The following PPFIA4 variants were observed in gnomAD, a reference collection of about 807,000 sequenced individuals.
PPFIA4 encodes the protein liprin-alpha-4.
A neutral mutation model predicts 145.7 loss-of-function variants in PPFIA4; 98 were observed. The observed-to-expected ratio is 0.67, with a 90% confidence interval of 0.57 to 0.80. PPFIA4 has a LOEUF of 0.80. Among genes scored for constraint, PPFIA4 ranks in the 30% least tolerant of loss-of-function variants. The pLI is 0.00. For missense variants in PPFIA4, 1,457 were observed against 1,632.7 expected, an observed-to-expected ratio of 0.89 and a Z score of 1.85; for synonymous variants, 628 against 649.6, an observed-to-expected ratio of 0.97 and a Z score of 0.51.
At chr1:203,029,080 C>T (rs1658638176) in intron 1 of PPFIA4, among the ~76,000 whole-genome samples, 1 of 152,100 alleles carries the variant, frequency 6.6e-6, no homozygotes, top group Non-Finnish European at 1.5e-5. Flanking sequence ...GTGGGGGAAA[C>T]AGCAGTGGGG....
chr1:203,077,915 A>ATCCATC lies in PPFIA4; in HGVS notation c.*1525_*1526insTCCATC, dbSNP rs1234778898. On this transcript the variant is annotated 3_prime_UTR_variant, in exon 30 of 30. Coordinates refer to ENST00000295706, the MANE Select transcript of PPFIA4 (RefSeq NM_001304331.2). The stretch of plus-strand genomic sequence containing the variant: ...ATAGGGGCCAGTGCAGTGCCATCCT[A>ATCCATC]CAGGTGGCTGGAGCAGCTGCTTTGC... The ATCCATC allele has an allele frequency of 6.6e-6, 1 of 152,272 alleles. No homozygotes were observed. Among genetic ancestry groups the ATCCATC allele is most frequent in the Non-Finnish European group, 1.5e-5 (1 of 68,078 alleles). The allele number at this position is 152,272 out of a possible 1,614,324, so 9.4% of individuals were successfully genotyped here.
At chr1:203,049,130 A>G (rs1660312105) in intron 12 of PPFIA4, 150 bp downstream of exon 12, 1 of 818,800 alleles carries the variant, frequency 1.2e-6, no homozygotes, top group Non-Finnish European at 1.9e-6. Context: ...ATTTCTCACT[A>G]GAGCCCATCA....
At chr1:203,033,109 C>A (rs1658967250) in intron 1 of PPFIA4, among the ~76,000 whole-genome samples, 1 of 152,208 alleles carries the variant, frequency 6.6e-6, no homozygotes, top group Admixed American at 6.5e-5. Flanking sequence ...GCTTGGGCGG[C>A]ATTTTATACT....
At chr1:203,037,702 GCTGACTGAC>G (rs1659391943) in intron 1 of PPFIA4, among the ~76,000 whole-genome samples, 1 of 152,244 alleles carries the variant, frequency 6.6e-6, no homozygotes, top group Non-Finnish European at 1.5e-5. Flanking sequence ...CTATGCACAT[GCTGACTGAC>G]CTCACTGGTG....
intron 1 of PPFIA4, among the ~76,000 whole-genome samples, chr1:203,036,916 C>T (rs1258266548): frequency 6.6e-6 from 1 of 152,212 alleles, no homozygotes; most frequent in Non-Finnish European, 1.5e-5. Context: ...GGAAGGATCC[C>T]CTTGACCAGA....
Position 203,056,404 on chromosome 1 carries a change from G to C in PPFIA4, c.2136G>C (p.Glu712Asp). 6.2e-7 allele frequency: 1 copy of C among 1,614,020 alleles called. No individual in the cohort carries two copies. The highest frequency in any genetic ancestry group is 8.5e-7 in the Non-Finnish European group (1 of 1,179,892). Residue 712 changes from glutamate (E) to aspartate (D), a missense_variant, in exon 18 of 30, where the codon GAG becomes GAC. Transcript: ENST00000295706. ...LSPVSREENR[E>D]DKATIKCETS... is the part of the protein sequence containing the mutation. Reference sequence around the variant, plus strand: ...CAGTGTCTCGGGAAGAGAACCGAGAGGATAAAGCCACCATAAAATGTGAGA... The same window carrying C: ...CAGTGTCTCGGGAAGAGAACCGAGACGATAAAGCCACCATAAAATGTGAGA...
chr1:203,046,471 C>T (rs776067030), intron 9 of PPFIA4, 89 bp downstream of exon 9: 237 of 1,435,462 alleles, frequency 1.7e-4, no homozygotes, highest in Non-Finnish European at 1.9e-4. Context: ...GCGTGGGAGG[C>T]GCACTGGGCC....
intron 13 of PPFIA4, among the ~76,000 whole-genome samples, chr1:203,050,849 C>G (rs1326002016): frequency 2.0e-5 from 3 of 151,160 alleles, no homozygotes; most frequent in Non-Finnish European, 2.9e-5. Flanking sequence ...ATACGGCCCA[C>G]AGTACACCAA....
intron 23 of PPFIA4, 27 bp from the exon 24 acceptor site, chr1:203,061,625 C>T: frequency 3.2e-6 from 5 of 1,556,638 alleles, no homozygotes; most frequent in Non-Finnish European, 3.5e-6. Flanking sequence ...CCTGTTTCCC[C>T]TAACACGCTG....
intron 1 of PPFIA4, among the ~76,000 whole-genome samples, chr1:203,031,281 G>A (rs1250383694): frequency 6.6e-6 from 1 of 152,134 alleles, no homozygotes; most frequent in Non-Finnish European, 1.5e-5. Flanking sequence ...TGGTTTCTAA[G>A]TCCTGAGCTT....
intron 13 of PPFIA4, among the ~76,000 whole-genome samples, chr1:203,050,450 T>C (rs1340887101): frequency 1.3e-5 from 2 of 152,126 alleles, no homozygotes; most frequent in Non-Finnish European, 2.9e-5. Flanking sequence ...GAGACTGAAA[T>C]GGATGGTGCC....
intron 2 of PPFIA4, among the ~76,000 whole-genome samples, chr1:203,042,669 C>T (rs983191416): frequency 5.3e-5 from 8 of 152,190 alleles, no homozygotes; most frequent in Non-Finnish European, 7.3e-5. Flanking sequence ...CGGAGGCTCA[C>T]CCTGTCGCCC....
At position 203,048,624 on chromosome 1, in the gene PPFIA4, G is replaced by A; in HGVS notation, c.1266G>A (p.Arg422=). Reference sequence around the variant, plus strand: ...AGATGAATGAGGACCACAACAAGCGGCTGTCGGACACAGTGGACCGGCTGC... The same window carrying A: ...AGATGAATGAGGACCACAACAAGCGACTGTCGGACACAGTGGACCGGCTGC... The part of the protein sequence containing the change: ...REKMNEDHNK[R]LSDTVDRLLS... Residue 422 remains arginine (R), a synonymous_variant, in exon 11 of 30, where the codon CGG becomes CGA. Coordinates refer to ENST00000295706, the MANE Select transcript of PPFIA4 (RefSeq NM_001304331.2). The surrounding 1 kb of genome is among the most constrained non-coding windows in gnomAD (Gnocchi z 5.8). 3 of 1,601,272 alleles carry A rather than the reference G, an allele frequency of 1.9e-6. No homozygotes were observed. The highest frequency in any genetic ancestry group is 2.6e-6 in the Non-Finnish European group (3 of 1,174,834).
Position 203,048,841 on chromosome 1 carries a change from G to A in PPFIA4, c.1357-77G>A. The A allele has an allele frequency of 6.5e-7, 1 of 1,535,430 alleles. No individual in the cohort carries two copies. Among genetic ancestry groups the A allele is most frequent in the Non-Finnish European group, 8.8e-7 (1 of 1,137,974 alleles). On this transcript the variant is annotated intron_variant, in intron 11 of 29. Transcript: ENST00000295706. This position sits in a 1 kb window ranked among gnomAD's most constrained non-coding sequence, Gnocchi z 5.8. Reference sequence around the variant, plus strand: ...GTGGCCAGCCTGGAGAGGTGGGGCTGAGACTGCACACCCAGAGGCTCAGGT... The same window carrying A: ...GTGGCCAGCCTGGAGAGGTGGGGCTAAGACTGCACACCCAGAGGCTCAGGT...
At chr1:203,041,484 C>T (rs559929596) in intron 2 of PPFIA4, among the ~76,000 whole-genome samples, 15 of 152,276 alleles carry the variant, frequency 9.9e-5, no homozygotes, top group Admixed American at 1.3e-4. Context: ...GCCAGCTACT[C>T]GTGGGGCTGA....
Position 203,048,847 on chromosome 1 carries a change from G to A in PPFIA4, c.1357-71G>A. On this transcript the variant is annotated intron_variant, in intron 11 of 29. Transcript: ENST00000295706. This position sits in a 1 kb window ranked among gnomAD's most constrained non-coding sequence, Gnocchi z 5.8. ...AGCCTGGAGAGGTGGGGCTGAGACT[G>A]CACACCCAGAGGCTCAGGTCTGGAA... 2 of 1,534,978 alleles carry A rather than the reference G, an allele frequency of 1.3e-6. No homozygotes were observed. Among genetic ancestry groups the A allele is most frequent in the Non-Finnish European group, 1.8e-6 (2 of 1,137,320 alleles).
At chr1:203,031,579 A>G (rs1232091207) in intron 1 of PPFIA4, among the ~76,000 whole-genome samples, 2 of 152,142 alleles carry the variant, frequency 1.3e-5, no homozygotes, top group Non-Finnish European at 2.9e-5. Context: ...CCTGGTGCCT[A>G]TTAGCACTCC....
chr1:203,074,270 A>G (rs1662369126), intron 28 of PPFIA4, among the ~76,000 whole-genome samples: 2 of 152,154 alleles, frequency 1.3e-5, no homozygotes, highest in Admixed American at 1.3e-4. Context: ...AGCCTATTGC[A>G]CACCTAGGCT....
At chr1:203,030,107 T>C (rs1658711052) in intron 1 of PPFIA4, among the ~76,000 whole-genome samples, 1 of 152,240 alleles carries the variant, frequency 6.6e-6, no homozygotes, top group Non-Finnish European at 1.5e-5. Context: ...TTCCATTCAA[T>C]TTAAGAAAAA....
Sources: gnomAD v4.1 joint callset for allele counts (sites outside exome capture counted in the v4.1 genomes callset) on GRCh38, gnomAD v4.1.1 for gene constraint, Gnocchi (gnomAD v3.1) non-coding constraint, MANE v1.5 for transcripts, NCBI Gene and HGNC (gene_info 2026-07-23, HGNC 2026-07-21) for gene names.